LRRC4C: variants seen among roughly 807,000 people sequenced by gnomAD.
LRRC4C encodes the protein leucine-rich repeat-containing protein 4C.
In LRRC4C, 5 loss-of-function variants were observed where a neutral mutation model predicts 33.6. The observed-to-expected ratio is 0.15, with a 90% CI of 0.08 to 0.31. LRRC4C has a LOEUF of 0.31. Among genes scored for constraint, LRRC4C ranks in the 10% least tolerant of loss-of-function variants. The probability of loss-of-function intolerance (pLI) is 1.00; values close to 1 mark genes in which losing one functional copy is unlikely to be tolerated. For missense variants in LRRC4C, 560 were observed against 796.7 expected, an observed-to-expected ratio of 0.70 and a Z score of 3.58; for synonymous variants, 329 against 302.0, an observed-to-expected ratio of 1.09 and a Z score of -0.93.
intron 1 of LRRC4C, among the ~76,000 whole-genome samples, chr11:40,969,514 C>A (rs1243573338): frequency 6.7e-6 from 1 of 148,830 alleles, no homozygotes; most frequent in Non-Finnish European, 1.5e-5. Flanking sequence ...GTGGGGGAAA[C>A]TTCATTACTG....
intron 3 of LRRC4C, among the ~76,000 whole-genome samples, chr11:40,522,065 C>T (rs1042328673): frequency 6.6e-6 from 1 of 152,134 alleles, no homozygotes; most frequent in African/African-American, 2.4e-5. Context: ...CTCTGTCGCC[C>T]AGGCTGGAGT....
chr11:40,771,055 A>G (rs991151132), intron 2 of LRRC4C, among the ~76,000 whole-genome samples: 1 of 152,328 alleles, frequency 6.6e-6, no homozygotes, highest in South Asian at 2.1e-4. Context: ...GTGGGGACTC[A>G]GTGTGGGGAC....
rs2134550033 is a variant in LRRC4C, at chr11:40,114,358, T to G, written c.*12A>C. On this transcript the variant is annotated 3_prime_UTR_variant, in exon 7 of 7. Coordinates refer to ENST00000528697, the MANE Select transcript of LRRC4C (RefSeq NM_001258419.2). ...TTTTTGATTGTTTGTTTTTTGTAAC[T>G]CTGTAAATGTTTTAGATTTGAGTCT... is the stretch of plus-strand genomic sequence containing the variant. 1 of 1,549,482 alleles carries G rather than the reference T, an allele frequency of 6.5e-7. No homozygotes were observed. Among genetic ancestry groups the G allele is most frequent in the Non-Finnish European group, 8.7e-7 (1 of 1,149,756 alleles).
At position 40,199,725 on chromosome 11, in the gene LRRC4C, T is replaced by A. The variant is rs113022628; in HGVS notation, c.-96+41794A>T. Among the ~76,000 whole-genome samples the A allele has an allele frequency of 7.9e-5, 12 of 152,306 alleles. No homozygotes were observed. The East Asian group carries it at 1.2e-3, about 15-fold the overall frequency. On this transcript the variant is annotated intron_variant, in intron 5 of 6. Coordinates refer to ENST00000528697, the MANE Select transcript of LRRC4C (RefSeq NM_001258419.2). ...AACTATATCTGATTATATATTTTTT[T>A]AATTTATTATTAATTTTGCTTTCCA...
chr11:40,415,954 C>T (rs756130060), intron 3 of LRRC4C, among the ~76,000 whole-genome samples: 14 of 152,038 alleles, frequency 9.2e-5, no homozygotes, highest in Non-Finnish European at 2.1e-4. Context: ...TATTTTTGCA[C>T]GTGTTAAATG....
At chr11:40,560,853 C>A (rs1175836469) in intron 3 of LRRC4C, among the ~76,000 whole-genome samples, 1 of 152,126 alleles carries the variant, frequency 6.6e-6, no homozygotes, top group African/African-American at 2.4e-5. Flanking sequence ...CTTGAACAAG[C>A]CACATAATCC....
chr11:41,201,471 G>T (rs918447029), intron 1 of LRRC4C, among the ~76,000 whole-genome samples: 2 of 152,080 alleles, frequency 1.3e-5, no homozygotes, highest in African/African-American at 4.8e-5. Context: ...TGGGAGCAAA[G>T]CTCATTTATT....
chr11:40,717,720 A>G (rs1485365726), intron 2 of LRRC4C, among the ~76,000 whole-genome samples: 1 of 152,108 alleles, frequency 6.6e-6, no homozygotes, highest in Non-Finnish European at 1.5e-5. Context: ...ACTATTATTG[A>G]CAGTTTTATA....
intron 1 of LRRC4C, among the ~76,000 whole-genome samples, chr11:41,141,329 T>C (rs1394564818): frequency 1.3e-5 from 2 of 152,046 alleles, no homozygotes; most frequent in African/African-American, 4.8e-5. Flanking sequence ...ACAGAGCCAC[T>C]CTACCTTATC....
At chr11:40,597,229 C>T (rs1243327641) in intron 3 of LRRC4C, among the ~76,000 whole-genome samples, 1 of 152,040 alleles carries the variant, frequency 6.6e-6, no homozygotes, top group Non-Finnish European at 1.5e-5. Flanking sequence ...TATTTGTGCT[C>T]ATTGACTATC....
intron 1 of LRRC4C, among the ~76,000 whole-genome samples, chr11:41,442,627 G>T (rs1157810284): frequency 6.6e-6 from 1 of 151,290 alleles, no homozygotes; most frequent in Non-Finnish European, 1.5e-5. Flanking sequence ...CCATCACCAC[G>T]CCCAGCTAAT....
chr11:40,417,488 T>TGCCCA (rs955963494), intron 3 of LRRC4C, among the ~76,000 whole-genome samples: 5 of 151,966 alleles, frequency 3.3e-5, no homozygotes, highest in African/African-American at 1.2e-4. Flanking sequence ...TCTGCCACCT[T>TGCCCA]GCCCAGCTAA....
At chr11:40,468,991 A>G (rs1952789855) in intron 3 of LRRC4C, among the ~76,000 whole-genome samples, 1 of 152,240 alleles carries the variant, frequency 6.6e-6, no homozygotes, top group Non-Finnish European at 1.5e-5. Flanking sequence ...TCTGCAAAAT[A>G]AAAATAATAC....
chr11:41,015,932 G>C (rs1042407120), intron 1 of LRRC4C, among the ~76,000 whole-genome samples: 1 of 152,130 alleles, frequency 6.6e-6, no homozygotes, highest in Non-Finnish European at 1.5e-5. Flanking sequence ...GGAGCTTGCA[G>C]TGAGCCGAGA....
chr11:40,213,137 G>GACATTAATCCATGATGCAAATCTGCCA (rs1863726725), intron 5 of LRRC4C, among the ~76,000 whole-genome samples: 2 of 152,128 alleles, frequency 1.3e-5, no homozygotes, highest in Non-Finnish European at 2.9e-5. Context: ...GCAGAATGCA[G>GACATTAATCCATGATGCAAATCTGCCA]CTGGGCCAAT....
At chr11:40,798,541 G>A (rs1190756555) in intron 2 of LRRC4C, among the ~76,000 whole-genome samples, 3 of 151,958 alleles carry the variant, frequency 2.0e-5, no homozygotes, top group Non-Finnish European at 2.9e-5. Context: ...TAATAGTCAT[G>A]TAATAAAATC....
At chr11:41,363,777 C>A (rs1407410945) in intron 1 of LRRC4C, among the ~76,000 whole-genome samples, 2 of 152,108 alleles carry the variant, frequency 1.3e-5, no homozygotes, top group Non-Finnish European at 2.9e-5. Context: ...CCCATTCACC[C>A]CCGCCAACAG....
chr11:41,430,919 T>C (rs1360375385), intron 1 of LRRC4C, among the ~76,000 whole-genome samples: 1 of 152,116 alleles, frequency 6.6e-6, no homozygotes, highest in Admixed American at 6.6e-5. Flanking sequence ...GAATACATTC[T>C]GATAGATAAA....
chr11:40,148,145 T>G (rs530858840), intron 5 of LRRC4C, among the ~76,000 whole-genome samples: 78 of 152,180 alleles, frequency 5.1e-4, no homozygotes, highest in Non-Finnish European at 9.6e-4. Context: ...GTTGATTCCA[T>G]GTCTTTGCTG....
Sources: allele counts gnomAD v4.1 joint callset (sites outside exome capture counted in the v4.1 genomes callset), GRCh38; gene constraint gnomAD v4.1.1; transcripts MANE v1.5; gene names NCBI Gene and HGNC (gene_info 2026-07-23, HGNC 2026-07-21).